The following ROBO1 variants were observed in gnomAD, a reference collection of about 807,000 sequenced individuals.
The protein encoded by ROBO1 is roundabout guidance receptor 1.
In ROBO1, 149 loss-of-function variants were observed where a neutral mutation model predicts 195.9. The observed-to-expected ratio is 0.76, with a 90% confidence interval of 0.67 to 0.87. The LOEUF (loss-of-function observed/expected upper bound fraction) is 0.87. Ranked by LOEUF, ROBO1 falls within the 40% of genes least tolerant of loss-of-function variation. The pLI is 0.00. For missense variants in ROBO1, 1,933 were observed against 2,068.3 expected, an observed-to-expected ratio of 0.93 and a Z score of 1.27; for synonymous variants, 816 against 733.2, an observed-to-expected ratio of 1.11 and a Z score of -1.82.
At chr3:79,333,027 C>A (rs1328776884) in intron 2 of ROBO1, among the ~76,000 whole-genome samples, 1 of 151,992 alleles carries the variant, frequency 6.6e-6, no homozygotes, top group Non-Finnish European at 1.5e-5. Context: ...TACGGCGAAA[C>A]CCCGTCTCTG....
At position 79,006,788 on chromosome 3, in the gene ROBO1, A is replaced by C. The variant is rs371461100; in HGVS notation, c.173-67861T>G. ...AAAAAAAAAAAAAACAGACTCTCAT[A>C]AGTTTTATTGTGAGACTGTGACTTT... On this transcript the variant is annotated intron_variant, in intron 3 of 30. Coordinates refer to ENST00000464233, the MANE Select transcript of ROBO1 (RefSeq NM_002941.4). Among the ~76,000 whole-genome samples, 201 of 151,520 alleles carry C rather than the reference A, an allele frequency of 1.3e-3. 1 individual carries two copies. Among genetic ancestry groups the C allele is most frequent in the African/African-American group, 4.7e-3 (195 of 41,274 alleles).
intron 3 of ROBO1, among the ~76,000 whole-genome samples, chr3:79,068,482 C>T (rs1261144947): frequency 6.6e-6 from 1 of 151,834 alleles, no homozygotes; most frequent in Non-Finnish European, 1.5e-5. Flanking sequence ...TTCTTATATA[C>T]TTTATTATTT....
intron 2 of ROBO1, among the ~76,000 whole-genome samples, chr3:79,511,177 T>C (rs1940684703): frequency 6.6e-6 from 1 of 152,120 alleles, no homozygotes; most frequent in Non-Finnish European, 1.5e-5. Flanking sequence ...TTAATTATGA[T>C]ATTAGACTTC....
At chr3:79,732,448 C>T (rs1703193678) in intron 1 of ROBO1, among the ~76,000 whole-genome samples, 1 of 152,022 alleles carries the variant, frequency 6.6e-6, no homozygotes. Context: ...CCACATCAAA[C>T]AGGAAAGGAT....
chr3:79,435,630 G>A (rs1390348468), intron 2 of ROBO1, among the ~76,000 whole-genome samples: 1 of 152,098 alleles, frequency 6.6e-6, no homozygotes, highest in Non-Finnish European at 1.5e-5. Context: ...GATTCCTGTA[G>A]GAACCACCAG....
intron 1 of ROBO1, among the ~76,000 whole-genome samples, chr3:79,714,190 T>C (rs946213556): frequency 1.3e-5 from 2 of 152,014 alleles, no homozygotes; most frequent in African/African-American, 4.8e-5. Context: ...GGGAGAAGGA[T>C]ATGAACAGAC....
chr3:79,362,117 A>G (rs1425478153), intron 2 of ROBO1, among the ~76,000 whole-genome samples: 1 of 152,128 alleles, frequency 6.6e-6, no homozygotes, highest in Non-Finnish European at 1.5e-5. Flanking sequence ...TTACACCAAA[A>G]TTTAAGTCTA....
chr3:78,623,901 G>T (rs1704603142), intron 26 of ROBO1, among the ~76,000 whole-genome samples: 1 of 152,120 alleles, frequency 6.6e-6, no homozygotes, highest in Non-Finnish European at 1.5e-5. Flanking sequence ...ATGGAAGAAT[G>T]ATAAGAATCA....
At chr3:79,512,235 G>T (rs1354042363) in intron 2 of ROBO1, among the ~76,000 whole-genome samples, 1 of 151,872 alleles carries the variant, frequency 6.6e-6, no homozygotes. Flanking sequence ...TACTTTATAC[G>T]TGAATATAGC....
intron 2 of ROBO1, among the ~76,000 whole-genome samples, chr3:79,299,269 T>C (rs1234656685): frequency 6.6e-6 from 1 of 152,128 alleles, no homozygotes; most frequent in Non-Finnish European, 1.5e-5. Context: ...AGCTTTGGGG[T>C]TATACAGACA....
chr3:79,052,025 G>C (rs2078709483), intron 3 of ROBO1, among the ~76,000 whole-genome samples: 1 of 152,078 alleles, frequency 6.6e-6, no homozygotes, highest in Non-Finnish European at 1.5e-5. Flanking sequence ...CATCCTAAAA[G>C]AACAGGATAA....
intron 4 of ROBO1, among the ~76,000 whole-genome samples, chr3:78,798,192 A>C (rs1368307375): frequency 2.0e-5 from 3 of 152,222 alleles, no homozygotes; most frequent in Admixed American, 6.5e-5. Flanking sequence ...CAAGTACAGA[A>C]TATAGTGTAT....
chr3:79,643,862 C>T (rs913445499), intron 1 of ROBO1, among the ~76,000 whole-genome samples: 3 of 152,076 alleles, frequency 2.0e-5, no homozygotes, highest in Non-Finnish European at 4.4e-5. Flanking sequence ...TAAGTCCTTA[C>T]TTATCAACAA....
At chr3:78,903,038 T>C (rs2037679197) in intron 4 of ROBO1, among the ~76,000 whole-genome samples, 1 of 152,120 alleles carries the variant, frequency 6.6e-6, no homozygotes, top group South Asian at 2.1e-4. Flanking sequence ...ATACAGAGTT[T>C]TGAAAACTAC....
intron 4 of ROBO1, among the ~76,000 whole-genome samples, chr3:78,795,349 C>T (rs552078389): frequency 1.1e-4 from 17 of 152,308 alleles, no homozygotes; most frequent in Admixed American, 4.6e-4. Context: ...AACAAAATTA[C>T]GGCCTCCCCC....
intron 3 of ROBO1, among the ~76,000 whole-genome samples, chr3:79,086,065 C>T (rs983438964): frequency 1.3e-5 from 2 of 151,432 alleles, no homozygotes; most frequent in Non-Finnish European, 2.9e-5. Context: ...CAATAGAATA[C>T]CTCTGTAAAC....
intron 12 of ROBO1, 64 bp from the exon 13 acceptor site, chr3:78,668,366 G>T (rs1707861716): frequency 1.3e-6 from 2 of 1,595,406 alleles, no homozygotes; most frequent in South Asian, 2.2e-5. Context: ...GCGGATAAAT[G>T]CAGATAACAT....
intron 4 of ROBO1, among the ~76,000 whole-genome samples, chr3:78,884,866 CTGTG>C (rs376764608): frequency 2.6e-4 from 39 of 147,182 alleles, no homozygotes; most frequent in Middle Eastern, 3.2e-3. Context: ...CTCTCTCTTT[CTGTG>C]TGTGTGTGTG....
In ROBO1 at chr3:79,492,409, G is replaced by A. The variant is rs779382188; in HGVS notation, c.88+97415C>T. Among the ~76,000 whole-genome samples the A allele has an allele frequency of 3.3e-3, 388 of 116,166 alleles. 1 individual carries two copies. The highest frequency in any genetic ancestry group is 6.7e-3 in the Middle Eastern group (1 of 150). The allele number at this position is 116,166 out of a possible 152,430, so 76.2% of individuals were successfully genotyped here. A position where few individuals can be genotyped will look rare whatever the true frequency, so the allele number is the denominator to read the frequency against. On this transcript the variant is annotated intron_variant, in intron 2 of 30. Transcript: ENST00000464233. ...CATTGCACTCCAGCCTGGGCAATAA[G>A]AGTGAGACTCTGTTTCAGAAAAAAA...
Sources: gnomAD v4.1 joint callset for allele counts (sites outside exome capture counted in the v4.1 genomes callset) on GRCh38, gnomAD v4.1.1 for gene constraint, MANE v1.5 for transcripts, NCBI Gene and HGNC (gene_info 2026-07-23, HGNC 2026-07-21) for gene names.